NFIB: variants seen among roughly 807,000 people sequenced by gnomAD.
The protein encoded by NFIB is nuclear factor 1 B-type.
A neutral mutation model predicts 61.5 loss-of-function variants in NFIB; 11 were observed. The ratio of observed to expected loss-of-function variants is 0.18; its 90% confidence interval spans 0.11 to 0.30. The LOEUF is 0.30. Among genes scored for constraint, NFIB ranks in the 10% least tolerant of loss-of-function variants. NFIB has a pLI of 1.00. For missense variants in NFIB, 471 were observed against 608.9 expected (o/e 0.77, Z 2.38); for synonymous variants, 260 against 216.5 (o/e 1.20, Z -1.76).
At chr9:14,141,268 A>C (rs1333333169) in intron 6 of NFIB, among the ~76,000 whole-genome samples, 1 of 152,204 alleles carries the variant, frequency 6.6e-6, no homozygotes, top group Non-Finnish European at 1.5e-5. Flanking sequence ...AGAACTGGAG[A>C]CTTGTATAAA....
intron 2 of NFIB, among the ~76,000 whole-genome samples, chr9:14,193,795 G>C (rs7874994): frequency 0.029 from 4,395 of 152,186 alleles, 202 homozygotes; most frequent in African/African-American, 0.099. Flanking sequence ...CTAGATAACA[G>C]CCCGGCTAGA....
intron 1 of NFIB, among the ~76,000 whole-genome samples, chr9:14,338,121 G>A (rs1336954992): frequency 3.9e-5 from 6 of 152,194 alleles, no homozygotes; most frequent in Admixed American, 2.6e-4. Context: ...GTAGCCGGGC[G>A]CAGTGGCTCA....
chr9:14,223,316 C>G (rs748375364), intron 2 of NFIB, among the ~76,000 whole-genome samples: 2 of 152,176 alleles, frequency 1.3e-5, no homozygotes, highest in African/African-American at 2.4e-5. Flanking sequence ...TGACCTTGTC[C>G]TCGCCTTACT....
intron 2 of NFIB, among the ~76,000 whole-genome samples, chr9:14,287,995 A>T (rs2058829562): frequency 6.6e-6 from 1 of 152,142 alleles, no homozygotes; most frequent in Admixed American, 6.5e-5. Context: ...TAAAATAATA[A>T]TGATAGTCAT....
At chr9:14,424,689 T>C in the NFIB span, among the ~76,000 whole-genome samples, 4 of 152,208 alleles carry the variant, frequency 2.6e-5, no homozygotes, top group Non-Finnish European at 2.9e-5. Context: ...ATGGGTCTTA[T>C]TGACTCAGAG....
chr9:14,086,500 A>T lies in NFIB; in HGVS notation c.*1809T>A, dbSNP rs979250224. On this transcript the variant is annotated 3_prime_UTR_variant, in exon 11 of 11. Transcript: ENST00000380953. ...TAAATTTGAAACCCCTCCCCCCCAAATATTAATTGGAAGATGAAAAACATG... is the reference window on the plus strand; with the variant it reads ...TAAATTTGAAACCCCTCCCCCCCAATTATTAATTGGAAGATGAAAAACATG... 1 of 204,092 alleles carries T rather than the reference A, an allele frequency of 4.9e-6. No homozygotes were observed. Among genetic ancestry groups the T allele is most frequent in the Admixed American group, 6.0e-5 (1 of 16,682 alleles). 12.6% of individuals were successfully genotyped at this position (204,092 alleles called of 1,614,324 possible).
intron 2 of NFIB, among the ~76,000 whole-genome samples, chr9:14,182,131 T>C (rs1341821606): frequency 6.6e-6 from 1 of 152,306 alleles, no homozygotes; most frequent in East Asian, 1.9e-4. Flanking sequence ...CTTTTTCTTC[T>C]CATTTCCAAC....
chr9:14,320,640 G>A (rs2060638559), intron 1 of NFIB, among the ~76,000 whole-genome samples: 2 of 152,168 alleles, frequency 1.3e-5, no homozygotes. Context: ...ACACTGGAAA[G>A]TCACACTAAT....
Position 14,377,249 on chromosome 9 carries a change from C to G in NFIB, c.108+21275G>C, listed in dbSNP as rs115972539. 7.0e-4 allele frequency among the ~76,000 whole-genome samples: 106 copies of G among 152,326 alleles called. 1 individual carries two copies. Among genetic ancestry groups the G allele is most frequent in the African/African-American group, 2.4e-3 (101 of 41,568 alleles). ...ATTATGTGCCATTTAAAGACAGAGT[C>G]TCACTCTGTTCCCAAGACTGGGGTG... On this transcript the variant is annotated intron_variant, in intron 1 of 8. Coordinates refer to the NFIB transcript ENST00000380934.
chr9:14,243,330 A>G (rs1452794728), intron 2 of NFIB, among the ~76,000 whole-genome samples: 1 of 152,220 alleles, frequency 6.6e-6, no homozygotes, highest in African/African-American at 2.4e-5. Context: ...CAAAAAATAT[A>G]TAATATTCTG....
At chr9:14,466,378 C>A in the NFIB span, among the ~76,000 whole-genome samples, 123,009 of 152,106 alleles carry the variant, frequency 0.81, 49,989 homozygotes, top group East Asian at 0.89. Context: ...GCTGCTCTGA[C>A]AGCACACTCT....
At chr9:14,281,677 T>C (rs1458655798) in intron 2 of NFIB, among the ~76,000 whole-genome samples, 1 of 152,204 alleles carries the variant, frequency 6.6e-6, no homozygotes, top group Non-Finnish European at 1.5e-5. Flanking sequence ...CATATAGTTG[T>C]GTTTTGACAT....
the NFIB span, among the ~76,000 whole-genome samples, chr9:14,493,118 C>T: frequency 4.6e-5 from 7 of 152,164 alleles, no homozygotes; most frequent in Non-Finnish European, 7.4e-5. Context: ...TAAGGCAGTG[C>T]TCTCTCTCTT....
intron 2 of NFIB, among the ~76,000 whole-genome samples, chr9:14,248,752 AG>A (rs2055232242): frequency 6.6e-6 from 1 of 152,218 alleles, no homozygotes; most frequent in African/African-American, 2.4e-5. Flanking sequence ...GTTCAGGGGT[AG>A]TCCAAGGAGA....
chr9:14,355,533 G>T (rs2061166131), intron 1 of NFIB, among the ~76,000 whole-genome samples: 1 of 152,224 alleles, frequency 6.6e-6, no homozygotes, highest in Admixed American at 6.5e-5. Context: ...CAGACCCAGG[G>T]TTACCAGATT....
In NFIB at chr9:14,087,560, T is replaced by C. The variant is rs2033046656; in HGVS notation, c.*749A>G. The C allele has an allele frequency of 4.4e-6, 1 of 227,984 alleles. No homozygotes were observed. Among genetic ancestry groups the C allele is most frequent in the Non-Finnish European group, 8.7e-6 (1 of 114,596 alleles). 14.1% of individuals were successfully genotyped at this position (227,984 alleles called of 1,614,324 possible). ...AGAGCCTTTGTGTTCAAACTGTTTT[T>C]TTCCTTTTTTCTTTTTTTCCTTTTT... On this transcript the variant is annotated 3_prime_UTR_variant, in exon 11 of 11. Transcript: ENST00000380953.
chr9:14,114,399 CTT>C lies in NFIB; in HGVS notation c.1385-1320_1385-1319del. On this transcript the variant is annotated intron_variant, in intron 9 of 10. Coordinates refer to ENST00000380953, the MANE Select transcript of NFIB (RefSeq NM_001190737.2). ...TTTCTTTTCAACTATGAGAAAGAGC[CTT>C]CCTTGGCTTCTGTGTTTTCTTTGAC... is the stretch of plus-strand genomic sequence containing the variant. 2.6e-5 allele frequency among the ~76,000 whole-genome samples: 4 copies of C among 152,276 alleles called. 1 individual carries two copies. The highest frequency in any genetic ancestry group is 2.6e-4 in the Admixed American group (4 of 15,302).
the NFIB span, among the ~76,000 whole-genome samples, chr9:14,413,077 G>A: frequency 6.6e-6 from 1 of 152,216 alleles, no homozygotes; most frequent in South Asian, 2.1e-4. Flanking sequence ...GAACCCCTGG[G>A]TAGCTCTGAA....
chr9:14,440,357 A>T, the NFIB span, among the ~76,000 whole-genome samples: 4 of 152,208 alleles, frequency 2.6e-5, no homozygotes, highest in African/African-American at 9.6e-5. Context: ...CTGCAGAAGG[A>T]GCTGATACCA....
Sources: allele counts gnomAD v4.1 joint callset (sites outside exome capture counted in the v4.1 genomes callset), GRCh38; gene constraint gnomAD v4.1.1; transcripts MANE v1.5; gene names NCBI Gene and HGNC (gene_info 2026-07-23, HGNC 2026-07-21).